C5: variants seen among roughly 807,000 people sequenced by gnomAD.
C5 encodes complement C5, also known as C3 and PZP-like alpha-2-macroglobulin domain-containing protein 4.
C5 carries 140 observed loss-of-function variants against 218.8 expected under a neutral mutation model. The observed-to-expected ratio is 0.64, with a 90% CI of 0.56 to 0.74. The LOEUF (loss-of-function observed/expected upper bound fraction) is 0.74. Among genes scored for constraint, C5 ranks in the 30% least tolerant of loss-of-function variants. The pLI, the probability that C5 is intolerant of heterozygous loss-of-function variation, is 0.00. For missense variants in C5, 1,700 were observed against 1,969.6 expected (o/e 0.86, Z 2.59); for synonymous variants, 614 against 682.3 (o/e 0.90, Z 1.56).
In C5 at chr9:120,969,052, T is replaced by C. The variant is rs749916623; in HGVS notation, c.4220+9A>G. ...GAGTCTATGCTCCCCTTTGTGGAAA[T>C]AGGCTCACCTGGCACATGCTACTAT... On this transcript the variant is annotated intron_variant, in intron 33 of 40. Transcript: ENST00000223642. 28 of 1,612,142 alleles carry C rather than the reference T, an allele frequency of 1.7e-5. No homozygotes were observed. The highest frequency in any genetic ancestry group is 1.6e-4 in the Middle Eastern group (1 of 6,080).
intron 20 of C5, among the ~76,000 whole-genome samples, chr9:121,000,945 C>T (rs1450839145): frequency 1.3e-5 from 2 of 151,984 alleles, no homozygotes; most frequent in Admixed American, 6.6e-5. Flanking sequence ...TGTAGAAAAA[C>T]GTTTTTAAAA....
intron 20 of C5, among the ~76,000 whole-genome samples, chr9:120,998,149 T>C (rs554713673): frequency 1.0e-3 from 154 of 152,324 alleles, no homozygotes; most frequent in East Asian, 3.5e-3. Context: ...TTGATTATGC[T>C]TGTCTGGACA....
At chr9:121,015,817 G>A (rs1455852566) in intron 15 of C5, among the ~76,000 whole-genome samples, 1 of 152,170 alleles carries the variant, frequency 6.6e-6, no homozygotes, top group African/African-American at 2.4e-5. Context: ...CCCTGCAATA[G>A]CCTCCCTATT....
intron 25 of C5, among the ~76,000 whole-genome samples, chr9:120,988,037 C>T (rs566978218): frequency 1.1e-4 from 17 of 152,288 alleles, no homozygotes; most frequent in Admixed American, 2.0e-4. Context: ...ATGATCCGCC[C>T]GCCTTGTCCT....
chr9:120,983,829 G>C (rs1435674865), intron 25 of C5, among the ~76,000 whole-genome samples: 1 of 151,922 alleles, frequency 6.6e-6, no homozygotes, highest in Non-Finnish European at 1.5e-5. Context: ...AGCACAAAGG[G>C]ATATTTTATG....
At chr9:121,066,333 A>G in the C5 span, among the ~76,000 whole-genome samples, 12 of 125,084 alleles carry the variant, frequency 9.6e-5, no homozygotes, top group Non-Finnish European at 1.9e-4. Context: ...AAAAAAAAAA[A>G]GGTATACATC....
At chr9:121,063,105 T>A in the C5 span, among the ~76,000 whole-genome samples, 61 of 151,706 alleles carry the variant, frequency 4.0e-4, no homozygotes, top group Non-Finnish European at 8.5e-4. Context: ...ACTCTCTTCA[T>A]GCATATGTTG....
At chr9:120,969,961 G>A (rs2046898252) in intron 32 of C5, among the ~76,000 whole-genome samples, 1 of 152,184 alleles carries the variant, frequency 6.6e-6, no homozygotes, top group Non-Finnish European at 1.5e-5. Flanking sequence ...CTTAGTCATT[G>A]TTATTTAATA....
At chr9:121,066,479 G>A in the C5 span, among the ~76,000 whole-genome samples, 14 of 151,916 alleles carry the variant, frequency 9.2e-5, no homozygotes, top group African/African-American at 3.4e-4. Context: ...TGAGCAAAGA[G>A]AAATATTTAA....
intron 14 of C5, 137 bp downstream of exon 14, chr9:121,017,225 T>A: frequency 1.1e-6 from 1 of 948,258 alleles, no homozygotes; most frequent in Non-Finnish European, 1.6e-6. Flanking sequence ...GACAGGAGGA[T>A]GGTTTACCTT....
At chr9:121,066,886 A>G in the C5 span, among the ~76,000 whole-genome samples, 2 of 150,586 alleles carry the variant, frequency 1.3e-5, no homozygotes, top group East Asian at 2.0e-4. Flanking sequence ...ACAAAAACAC[A>G]TGATCATCTC....
In C5 at chr9:121,032,166, T is replaced by C. The variant is rs984523053; in HGVS notation, c.614A>G (p.Tyr205Cys). The change falls in exon 6 of 41, where the codon TAT (tyrosine) becomes TGT (cysteine). Residue 205 changes from tyrosine to cysteine, a missense_variant. By Grantham distance (194) the Tyr-to-Cys change is radical. Transcript: ENST00000223642. Reference protein sequence around the residue: ...RYGMWTIKAKYKEDFSTTGTA... With the variant: ...RYGMWTIKAKCKEDFSTTGTA... ...TCCAGTTGTTGAAAAGTCCTCTTTA[T>C]ATTTAGCCTTGATCGTCCACATACC... is the stretch of plus-strand genomic sequence containing the variant. 6.2e-7 allele frequency: 1 copy of C among 1,607,438 alleles called. No homozygotes were observed. Among genetic ancestry groups the C allele is most frequent in the African/African-American group, 1.3e-5 (1 of 74,956 alleles).
intron 25 of C5, among the ~76,000 whole-genome samples, chr9:120,983,863 T>C (rs2047013540): frequency 6.6e-6 from 1 of 152,136 alleles, no homozygotes; most frequent in African/African-American, 2.4e-5. Context: ...TAGCAGTCCC[T>C]GTCCCCCTCC....
chr9:121,020,884 A>G (rs2047359351), intron 11 of C5, among the ~76,000 whole-genome samples: 1 of 152,188 alleles, frequency 6.6e-6, no homozygotes, highest in African/African-American at 2.4e-5. Context: ...TGCTAATTAA[A>G]TGGTGTTTCA....
chr9:121,014,591 A>G (rs2047290630), intron 16 of C5, among the ~76,000 whole-genome samples: 1 of 152,160 alleles, frequency 6.6e-6, no homozygotes, highest in Non-Finnish European at 1.5e-5. Flanking sequence ...TTTTCATATC[A>G]TTAGAACTTA....
the C5 span, among the ~76,000 whole-genome samples, chr9:121,067,781 G>A: frequency 6.6e-6 from 1 of 151,928 alleles, no homozygotes; most frequent in Non-Finnish European, 1.5e-5. Context: ...TAATAGTGTG[G>A]CACTTCCCCT....
At position 121,027,179 on chromosome 9, in the gene C5, G is replaced by T; in HGVS notation, c.854C>A (p.Thr285Lys). The T allele has an allele frequency of 6.3e-7, 1 of 1,584,390 alleles. No homozygotes were observed. ...LKDDQKEMMQTAMQNTMLING... is the reference protein window; with the variant it reads ...LKDDQKEMMQKAMQNTMLING... ...TCTTACCATTGTGTTTTGCATTGCTGTTTGCATCATTTCTTTTTGATCATC... is the reference window on the plus strand; with the variant it reads ...TCTTACCATTGTGTTTTGCATTGCTTTTTGCATCATTTCTTTTTGATCATC... Residue 285 changes from threonine to lysine, a missense_variant, in exon 8 of 41, where the codon ACA (threonine) becomes AAA (lysine). Physicochemically the swap from Thr to Lys is moderately conservative, Grantham distance 78. Coordinates refer to ENST00000223642, the MANE Select transcript of C5 (RefSeq NM_001735.3).
chr9:121,041,124 A>G (rs1228400531), intron 3 of C5, among the ~76,000 whole-genome samples: 4 of 150,782 alleles, frequency 2.7e-5, no homozygotes, highest in African/African-American at 9.8e-5. Context: ...TTGTATTTTT[A>G]GTGGAAACAG....
intron 9 of C5, among the ~76,000 whole-genome samples, chr9:121,024,498 T>C (rs2131783055): frequency 6.6e-6 from 1 of 152,206 alleles, no homozygotes; most frequent in East Asian, 1.9e-4. Context: ...TTTCCAATAT[T>C]ACATCTCTAA....
Sources: gnomAD v4.1 joint callset for allele counts (sites outside exome capture counted in the v4.1 genomes callset) on GRCh38, gnomAD v4.1.1 for gene constraint, MANE v1.5 for transcripts, NCBI Gene and HGNC (gene_info 2026-07-23, HGNC 2026-07-21) for gene names.